Variants in PHACTR3 observed in about 807,000 individuals in gnomAD.
PHACTR3 encodes phosphatase and actin regulator 3.
A neutral mutation model predicts 66.8 loss-of-function variants in PHACTR3; 16 were observed. That is an observed-to-expected ratio of 0.24 (90% CI 0.16 to 0.36). The LOEUF (loss-of-function observed/expected upper bound fraction) is 0.36. Ranked by LOEUF, PHACTR3 falls within the 10% of genes least tolerant of loss-of-function variation. PHACTR3 has a pLI of 1.00. For missense variants in PHACTR3, 647 were observed against 719.9 expected, an observed-to-expected ratio of 0.90 and a Z score of 1.16; for synonymous variants, 323 against 292.1, an observed-to-expected ratio of 1.11 and a Z score of -1.08.
intron 4 of PHACTR3, among the ~76,000 whole-genome samples, chr20:59,766,408 A>G (rs1334894453): frequency 6.6e-6 from 1 of 152,228 alleles, no homozygotes; most frequent in Non-Finnish European, 1.5e-5. Context: ...CAAAGGACTT[A>G]GGGACTGTTG....
rs186485617 is a variant in PHACTR3, at chr20:59,777,255, A to G, written c.1174+2765A>G. Among the ~76,000 whole-genome samples the G allele has an allele frequency of 4.5e-3, 689 of 152,288 alleles. 3 individuals carry two copies. Among genetic ancestry groups the G allele is most frequent in the African/African-American group, 0.016 (651 of 41,560 alleles). On this transcript the variant is annotated intron_variant, in intron 7 of 12. Coordinates refer to ENST00000371015, the MANE Select transcript of PHACTR3 (RefSeq NM_080672.5). ...TCCTGGATGATCTCCTCATCTAGAGATTAACTTAATTACTTCTGCAAAGAT... is the reference window on the plus strand; with the variant it reads ...TCCTGGATGATCTCCTCATCTAGAGGTTAACTTAATTACTTCTGCAAAGAT...
intron 1 of PHACTR3, among the ~76,000 whole-genome samples, chr20:59,638,813 A>ATGGATGGATGG (rs55829125): frequency 9.2e-5 from 13 of 140,852 alleles, no homozygotes; most frequent in Admixed American, 2.1e-4. Context: ...TGGATGGACG[A>ATGGATGGATGG]ATGGATGGGT....
At chr20:59,798,697 G>A (rs1398477403) in intron 7 of PHACTR3, among the ~76,000 whole-genome samples, 2 of 152,128 alleles carry the variant, frequency 1.3e-5, no homozygotes, top group Non-Finnish European at 2.9e-5. Flanking sequence ...ATTAGATGAT[G>A]TCAGTGTCAC....
intron 1 of PHACTR3, among the ~76,000 whole-genome samples, chr20:59,678,161 C>A (rs1344970320): frequency 6.6e-6 from 1 of 151,912 alleles, no homozygotes; most frequent in Middle Eastern, 3.4e-3. Context: ...TTTTTTTTTC[C>A]TGTATGTTTT....
In PHACTR3 at chr20:59,830,208, C is replaced by G. The variant is rs1334051294; in HGVS notation, c.1329-6297C>G. On this transcript the variant is annotated intron_variant, in intron 8 of 12. Coordinates refer to ENST00000371015, the MANE Select transcript of PHACTR3 (RefSeq NM_080672.5). This position sits in a 1 kb window ranked among gnomAD's most constrained non-coding sequence, Gnocchi z 5.8. ...GTCTGATGGAAGAGGGTATGAGTGT[C>G]TGATAGAAGAGGGCGTGAGTGTCTG... 1.3e-5 allele frequency among the ~76,000 whole-genome samples: 2 copies of G among 151,520 alleles called. No individual in the cohort carries two copies. Among genetic ancestry groups the G allele is most frequent in the Admixed American group, 1.3e-4 (2 of 15,254 alleles).
At position 59,847,079 on chromosome 20, in the gene PHACTR3, TA is replaced by T. The variant is rs770429439; in HGVS notation, c.1665-34del. 2.1e-6 allele frequency: 3 copies of T among 1,434,880 alleles called. No individual in the cohort carries two copies. The South Asian group carries it at 3.6e-5, about 17-fold the overall frequency. The allele number at this position is 1,434,880 out of a possible 1,614,324, so 88.9% of individuals were successfully genotyped here. ...GGCTATTTTAACTGCTAGAAATGAA[TA>T]ACCTTAAATTCTTTGTCTTTTTTAT... On this transcript the variant is annotated intron_variant, in intron 12 of 12. Coordinates refer to ENST00000371015, the MANE Select transcript of PHACTR3 (RefSeq NM_080672.5).
intron 1 of PHACTR3, among the ~76,000 whole-genome samples, chr20:59,674,937 ACTTCTCCTGTTCCTCCCC>A (rs200750753): frequency 0.021 from 179 of 8,420 alleles, 2 homozygotes; most frequent in African/African-American, 0.085. Context: ...CTGTCCCCCC[ACTTCTCCTGTTCCTCCCC>A]CTTCTCCTGT....
At chr20:59,606,846 C>T (rs1037207464) in intron 1 of PHACTR3, among the ~76,000 whole-genome samples, 2 of 152,104 alleles carry the variant, frequency 1.3e-5, no homozygotes, top group African/African-American at 4.8e-5. Flanking sequence ...CTTGAGCTCT[C>T]CTCTGGTGCA....
At chr20:59,581,334 G>T (rs781273205) in intron 1 of PHACTR3, among the ~76,000 whole-genome samples, 1 of 152,158 alleles carries the variant, frequency 6.6e-6, no homozygotes, top group East Asian at 1.9e-4. Context: ...ACACATCTTC[G>T]TTTCTCTCCT....
Position 59,738,942 on chromosome 20 carries a change from G to A in PHACTR3, c.119-4165G>A, listed in dbSNP as rs572859015. Among the ~76,000 whole-genome samples the A allele has an allele frequency of 6.6e-6, 1 of 152,196 alleles. No homozygotes were observed. Among genetic ancestry groups the A allele is most frequent in the East Asian group, 1.9e-4 (1 of 5,180 alleles). On this transcript the variant is annotated intron_variant, in intron 1 of 12. Transcript: ENST00000371015. The surrounding 1 kb of genome is among the most constrained non-coding windows in gnomAD (Gnocchi z 4.4). Reference sequence around the variant, plus strand: ...TGCTCAGGACAGCAGGCTTTCCCAGGGCCATGTGGAGTCACAGTCTTGCTC... The same window carrying A: ...TGCTCAGGACAGCAGGCTTTCCCAGAGCCATGTGGAGTCACAGTCTTGCTC...
intron 1 of PHACTR3, among the ~76,000 whole-genome samples, chr20:59,665,923 C>T (rs1017655909): frequency 4.6e-5 from 7 of 152,270 alleles, no homozygotes; most frequent in Admixed American, 4.6e-4. Flanking sequence ...AGAGTCCCCT[C>T]CGTGGGCATT....
intron 8 of PHACTR3, among the ~76,000 whole-genome samples, chr20:59,808,522 C>T (rs1335537926): frequency 2.0e-5 from 3 of 152,198 alleles, no homozygotes; most frequent in South Asian, 4.1e-4. Context: ...CCTGGACAGC[C>T]CCTAGTCCGC....
At chr20:59,683,162 G>A (rs2036727459) in intron 1 of PHACTR3, among the ~76,000 whole-genome samples, 1 of 152,174 alleles carries the variant, frequency 6.6e-6, no homozygotes, top group Non-Finnish European at 1.5e-5. Flanking sequence ...GGACTCTCAG[G>A]TTCTGTCGTG....
At chr20:59,751,551 A>G (rs1384611353) in intron 3 of PHACTR3, among the ~76,000 whole-genome samples, 4 of 151,800 alleles carry the variant, frequency 2.6e-5, no homozygotes, top group Non-Finnish European at 5.9e-5. Flanking sequence ...AGTGAGCCGG[A>G]CTCTGGGCAG....
At chr20:59,780,555 A>T (rs994390326) in intron 7 of PHACTR3, among the ~76,000 whole-genome samples, 1 of 152,142 alleles carries the variant, frequency 6.6e-6, no homozygotes, top group East Asian at 1.9e-4. Flanking sequence ...GTTCCACCTA[A>T]TGATCTAATC....
intron 1 of PHACTR3, chr20:59,628,652 TC>T: frequency 1.0e-6 from 1 of 985,348 alleles, no homozygotes; most frequent in Non-Finnish European, 1.2e-6. Context: ...ATCAGTTCAT[TC>T]TCCTGACTCC....
At chr20:59,835,396 G>T (rs2042497957) in intron 8 of PHACTR3, among the ~76,000 whole-genome samples, 1 of 152,164 alleles carries the variant, frequency 6.6e-6, no homozygotes, top group Non-Finnish European at 1.5e-5. Flanking sequence ...TTCTAGTGGG[G>T]AGGGAGGAGT....
chr20:59,770,102 A>G (rs2040312876), intron 5 of PHACTR3, among the ~76,000 whole-genome samples: 1 of 152,220 alleles, frequency 6.6e-6, no homozygotes. Flanking sequence ...CTCAGATGGC[A>G]CAGGTCTTCA....
intron 7 of PHACTR3, among the ~76,000 whole-genome samples, chr20:59,778,463 C>T (rs1035047065): frequency 6.6e-6 from 1 of 152,200 alleles, no homozygotes; most frequent in Non-Finnish European, 1.5e-5. Context: ...GGCTCCACCG[C>T]GTTTAAAACA....
Sources: gnomAD v4.1 joint callset for allele counts (sites outside exome capture counted in the v4.1 genomes callset) on GRCh38, gnomAD v4.1.1 for gene constraint, Gnocchi (gnomAD v3.1) non-coding constraint, MANE v1.5 for transcripts, NCBI Gene and HGNC (gene_info 2026-07-23, HGNC 2026-07-21) for gene names.